The following SMAD6 variants were observed in gnomAD, a reference collection of about 807,000 sequenced individuals.
SMAD6 encodes the protein MAD homolog 6.
In SMAD6, 103 loss-of-function variants were observed where a neutral mutation model predicts 39.4. The observed-to-expected ratio is 2.62, with a 90% CI of 2.23 to 3.08. The LOEUF is 3.08. SMAD6 is among the 30% of genes most tolerant of loss of function. The pLI, the probability that SMAD6 is intolerant of heterozygous loss-of-function variation, is 0.00. For missense variants in SMAD6, 1,104 were observed against 742.9 expected, an observed-to-expected ratio of 1.49 and a Z score of -5.65; for synonymous variants, 445 against 353.3, an observed-to-expected ratio of 1.26 and a Z score of -2.91.
chr15:66,715,707 A>T (rs1893314980), intron 2 of SMAD6, among the ~76,000 whole-genome samples: 1 of 151,864 alleles, frequency 6.6e-6, no homozygotes, highest in East Asian at 1.9e-4. Context: ...TTCTCATCTA[A>T]CTGCTCGGCA....
intron 1 of SMAD6, chr15:66,704,295 C>T (rs967295990): frequency 5.1e-6 from 2 of 388,692 alleles, no homozygotes; most frequent in Non-Finnish European, 9.1e-6. Flanking sequence ...CTCCGGTAAA[C>T]TTAAAAGGGT....
intron 1 of SMAD6, 106 bp from the exon 2 acceptor site, chr15:66,711,562 C>A: frequency 2.2e-6 from 2 of 891,408 alleles, no homozygotes; most frequent in Non-Finnish European, 3.8e-6. Context: ...GGAGGGCTTC[C>A]TGGAGGCTGA....
At chr15:66,762,626 ATAAG>A (rs113433616) in intron 3 of SMAD6, among the ~76,000 whole-genome samples, 36 of 152,152 alleles carry the variant, frequency 2.4e-4, no homozygotes, top group African/African-American at 7.2e-4. Flanking sequence ...GTCTTCACAA[ATAAG>A]TGAGTTGGTC....
rs966524910 is a variant in SMAD6 at position 66,747,295 on chromosome 15, T to C, written c.952+30797T>C. Among the ~76,000 whole-genome samples the C allele has an allele frequency of 6.6e-6, 1 of 152,242 alleles. No individual in the cohort carries two copies. Among genetic ancestry groups the C allele is most frequent in the East Asian group, 1.9e-4 (1 of 5,200 alleles). On this transcript the variant is annotated intron_variant, in intron 3 of 3. Coordinates refer to ENST00000288840, the MANE Select transcript of SMAD6 (RefSeq NM_005585.5). This position sits in a 1 kb window ranked among gnomAD's most constrained non-coding sequence, Gnocchi z 4.5. ...GGCCTCTGGCTGCCAAGGCCTGGCCTTCCCACCACACCTGCCCTTCCCCAT... is the reference window on the plus strand; with the variant it reads ...GGCCTCTGGCTGCCAAGGCCTGGCCCTCCCACCACACCTGCCCTTCCCCAT...
chr15:66,773,279 A>G (rs1894409939), intron 3 of SMAD6, among the ~76,000 whole-genome samples: 1 of 152,178 alleles, frequency 6.6e-6, no homozygotes, highest in South Asian at 2.1e-4. Context: ...GCGTTTGGAA[A>G]GAGTTCAGCA....
rs16950161 is a variant in SMAD6 at position 66,711,002 on chromosome 15, G to C, written c.818-666G>C. Among the ~76,000 whole-genome samples the C allele has an allele frequency of 7.9e-3, 1,210 of 152,310 alleles. 25 individuals carry two copies. The highest frequency in any genetic ancestry group is 0.078 in the East Asian group (403 of 5,178). ...ACCTAGGAATGCTAGCTCTAATGCA[G>C]CTTGTTTGGACACGAGTTTCTGTGT... On this transcript the variant is annotated intron_variant, in intron 1 of 3. Coordinates refer to ENST00000288840, the MANE Select transcript of SMAD6 (RefSeq NM_005585.5).
At chr15:66,704,232 C>T (rs1026710767) in intron 1 of SMAD6, 157 bp downstream of exon 1, 3 of 466,576 alleles carry the variant, frequency 6.4e-6, no homozygotes, top group Non-Finnish European at 1.1e-5. Context: ...TCAGACCGGC[C>T]GAGGGGAGTG....
rs1271168782 is a variant in SMAD6 at position 66,782,094 on chromosome 15, CT to C, written c.*563del. 1 of 395,900 alleles carries C rather than the reference CT, an allele frequency of 2.5e-6. No individual in the cohort carries two copies. The highest frequency in any genetic ancestry group is 2.1e-5 in the African/African-American group (1 of 48,562). 24.5% of individuals were successfully genotyped at this position (395,900 alleles called of 1,614,324 possible). On this transcript the variant is annotated 3_prime_UTR_variant, in exon 4 of 4. Coordinates refer to ENST00000288840, the MANE Select transcript of SMAD6 (RefSeq NM_005585.5). ...ACTTGACCTCAGTTTTCAAGTTTTA[CT>C]TTTATTGGATAAAGACAGAACAAAT...
intron 3 of SMAD6, among the ~76,000 whole-genome samples, chr15:66,767,773 A>G (rs912994129): frequency 2.0e-5 from 3 of 152,198 alleles, no homozygotes; most frequent in African/African-American, 7.2e-5. Flanking sequence ...ACACACAAGA[A>G]TGATCGAGGC....
chr15:66,706,292 C>T (rs1299483726), intron 1 of SMAD6: 4 of 152,190 alleles, frequency 2.6e-5, no homozygotes, highest in African/African-American at 7.2e-5. Context: ...TGGACTAAGC[C>T]TTGGGACTTG....
intron 1 of SMAD6, among the ~76,000 whole-genome samples, chr15:66,710,568 C>T (rs1253608109): frequency 6.6e-6 from 1 of 152,146 alleles, no homozygotes; most frequent in Non-Finnish European, 1.5e-5. Flanking sequence ...CCCCTTGTGT[C>T]ATTACTGATA....
chr15:66,706,801 G>T (rs1422745572), intron 1 of SMAD6: 1 of 152,338 alleles, frequency 6.6e-6, no homozygotes, highest in African/African-American at 2.4e-5. Flanking sequence ...ACCCCTTCCT[G>T]GGCAGTGTGG....
At chr15:66,705,007 G>A (rs1272390746) in intron 1 of SMAD6, 1 of 152,350 alleles carries the variant, frequency 6.6e-6, no homozygotes, top group Non-Finnish European at 1.5e-5. Context: ...ACACACTTTA[G>A]CCTGTAGCTA....
chr15:66,749,680 G>C (rs1467958952), intron 3 of SMAD6, among the ~76,000 whole-genome samples: 1 of 152,172 alleles, frequency 6.6e-6, no homozygotes, highest in Non-Finnish European at 1.5e-5. Flanking sequence ...GAAACTAGGG[G>C]GCAGAGACAC....
In SMAD6 at chr15:66,703,320, A is replaced by AC; in HGVS notation, c.64dup (p.Arg22ProfsTer23). 1 of 1,486,364 alleles carries AC rather than the reference A, an allele frequency of 6.7e-7. No homozygotes were observed. Among genetic ancestry groups the AC allele is most frequent in the East Asian group, 3.0e-5 (1 of 33,760 alleles). 92.1% of individuals were successfully genotyped at this position (1,486,364 alleles called of 1,614,324 possible). On this transcript the variant is annotated frameshift_variant, in exon 1 of 4. Coordinates refer to ENST00000288840, the MANE Select transcript of SMAD6 (RefSeq NM_005585.5). LOFTEE classifies it high-confidence loss of function. ...CTTTGGCGAAGTCGTGTGGTCCCCG[A>AC]CCGGGAGGAAGGCGGCAGCGGCGGC... is the stretch of plus-strand genomic sequence containing the variant.
At chr15:66,712,441 G>C (rs938110784) in intron 2 of SMAD6, among the ~76,000 whole-genome samples, 2 of 152,188 alleles carry the variant, frequency 1.3e-5, no homozygotes, top group Non-Finnish European at 2.9e-5. Context: ...CACTTTGGGA[G>C]GCCAAGGAGG....
At chr15:66,748,204 CA>C (rs1161164802) in intron 3 of SMAD6, among the ~76,000 whole-genome samples, 3,235 of 149,748 alleles carry the variant, frequency 0.022, 102 homozygotes, top group African/African-American at 0.075. Flanking sequence ...GATTTCTTCC[CA>C]TTTTTTTTTT....
intron 3 of SMAD6, among the ~76,000 whole-genome samples, chr15:66,727,184 C>T (rs947721625): frequency 8.6e-5 from 13 of 151,794 alleles, no homozygotes; most frequent in Admixed American, 7.2e-4. Context: ...CTCACTGCAA[C>T]CTCTGCCTGC....
chr15:66,770,549 G>C (rs997483322), intron 3 of SMAD6, among the ~76,000 whole-genome samples: 1 of 152,104 alleles, frequency 6.6e-6, no homozygotes, highest in African/African-American at 2.4e-5. Context: ...TGAAAGCAAG[G>C]CTTTCCCACC....
Sources: gnomAD v4.1 joint callset for allele counts (sites outside exome capture counted in the v4.1 genomes callset) on GRCh38, gnomAD v4.1.1 for gene constraint, Gnocchi (gnomAD v3.1) non-coding constraint, MANE v1.5 for transcripts, NCBI Gene and HGNC (gene_info 2026-07-23, HGNC 2026-07-21) for gene names.